The following PHF21A variants were observed in gnomAD, a reference collection of about 807,000 sequenced individuals.
The protein encoded by PHF21A is PHD finger protein 21A.
Under a neutral mutation model 82.5 loss-of-function variants are expected in PHF21A, and 11 were observed. The ratio of observed to expected loss-of-function variants is 0.13; its 90% CI spans 0.08 to 0.22. PHF21A has a LOEUF of 0.22. PHF21A is among the 10% of genes least tolerant of loss of function. PHF21A has a pLI of 1.00. For synonymous variants in PHF21A, 297 were observed against 302.8 expected (o/e 0.98, Z 0.20); for missense variants, 579 against 837.8 (o/e 0.69, Z 3.81).
Position 46,091,306 on chromosome 11 carries a change from A to AT in PHF21A, c.-195-741dup, listed in dbSNP as rs2096922327. Reference sequence around the variant, plus strand: ...ATTCCAGCTATCTTATTTGAGTGTAATTTTTTTCATAATACACACTCTCCT... The same window carrying AT: ...ATTCCAGCTATCTTATTTGAGTGTAATTTTTTTTCATAATACACACTCTCCT... On this transcript the variant is annotated intron_variant, in intron 2 of 18. Transcript: ENST00000676320. Among the ~76,000 whole-genome samples, 11 of 152,162 alleles carry AT rather than the reference A, an allele frequency of 7.2e-5. No homozygotes were observed. The South Asian group carries it at 2.3e-3, about 32-fold the overall frequency.
In PHF21A at chr11:46,119,413, C is replaced by T. The variant is rs77205953; in HGVS notation, c.-237+1522G>A. On this transcript the variant is annotated intron_variant, in intron 1 of 18. Transcript: ENST00000676320. ...CCCAGAGACATCATTTTAAAAACAA[C>T]ACAATGTGGACGTGCAGAGTGAGAT... Among the ~76,000 whole-genome samples the T allele has an allele frequency of 2.0e-3, 306 of 152,308 alleles. 3 individuals carry two copies. The highest frequency in any genetic ancestry group is 0.015 in the Admixed American group (234 of 15,300).
chr11:45,935,173 G>C (rs557626738), intron 18 of PHF21A: 1 of 1,289,658 alleles, frequency 7.8e-7, no homozygotes, highest in Admixed American at 2.3e-5. Flanking sequence ...CAGGAAAACC[G>C]GGAAATGCAA....
At chr11:46,001,481 C>A (rs1203063073) in intron 6 of PHF21A, among the ~76,000 whole-genome samples, 2 of 152,000 alleles carry the variant, frequency 1.3e-5, no homozygotes, top group Admixed American at 6.6e-5. Flanking sequence ...ACAATAGAAG[C>A]TCCAGTTGGT....
chr11:46,067,120 T>C (rs923696247), intron 6 of PHF21A, among the ~76,000 whole-genome samples: 1 of 152,226 alleles, frequency 6.6e-6, no homozygotes, highest in African/African-American at 2.4e-5. Flanking sequence ...CTAATGCACC[T>C]TGATTCAATC....
At chr11:46,088,859 C>T (rs1272570103) in intron 3 of PHF21A, among the ~76,000 whole-genome samples, 1 of 152,072 alleles carries the variant, frequency 6.6e-6, no homozygotes, top group Non-Finnish European at 1.5e-5. Context: ...TCTGGGTATA[C>T]TTCTGCTTGA....
chr11:46,057,693 C>T (rs1198367681), intron 6 of PHF21A, among the ~76,000 whole-genome samples: 4 of 152,234 alleles, frequency 2.6e-5, no homozygotes, highest in Middle Eastern at 3.4e-3. Context: ...CTAGGCTGTT[C>T]TAGAACTTAC....
intron 6 of PHF21A, among the ~76,000 whole-genome samples, chr11:46,050,259 C>A (rs1462256795): frequency 2.0e-5 from 3 of 152,230 alleles, no homozygotes; most frequent in African/African-American, 7.2e-5. Flanking sequence ...ATGTTGCCAG[C>A]AGCATTCCAG....
intron 6 of PHF21A, among the ~76,000 whole-genome samples, chr11:46,026,360 C>T (rs1446147653): frequency 2.6e-5 from 4 of 152,140 alleles, no homozygotes; most frequent in Admixed American, 2.0e-4. Flanking sequence ...AGATGTCATG[C>T]ACAAGGTACA....
At chr11:45,941,605 T>C (rs1245335312) in intron 15 of PHF21A, among the ~76,000 whole-genome samples, 2 of 152,094 alleles carry the variant, frequency 1.3e-5, no homozygotes, top group African/African-American at 4.8e-5. Flanking sequence ...CCCATAGAAA[T>C]GAATATAAAA....
intron 7 of PHF21A, among the ~76,000 whole-genome samples, chr11:45,978,361 T>TATTATTATTATTA (rs1565369387): frequency 2.7e-4 from 41 of 152,100 alleles, no homozygotes; most frequent in African/African-American, 9.7e-4. Context: ...AATAATAACT[T>TATTATTATTATTA]CCTCTTAGGA....
chr11:46,071,017 CAA>C (rs2096650946), intron 6 of PHF21A, among the ~76,000 whole-genome samples: 1 of 152,184 alleles, frequency 6.6e-6, no homozygotes, highest in African/African-American at 2.4e-5. Context: ...TTTGATGTAG[CAA>C]AAGTTTTTTT....
At chr11:46,064,176 G>A (rs2096568193) in intron 6 of PHF21A, among the ~76,000 whole-genome samples, 1 of 152,162 alleles carries the variant, frequency 6.6e-6, no homozygotes, top group African/African-American at 2.4e-5. Flanking sequence ...AAAAGCAGAT[G>A]AGTAATAATC....
intron 6 of PHF21A, among the ~76,000 whole-genome samples, chr11:46,036,154 G>A (rs537345815): frequency 6.6e-6 from 1 of 152,328 alleles, no homozygotes; most frequent in Non-Finnish European, 1.5e-5. Flanking sequence ...GGAGATGAGT[G>A]AAAGGGAAGA....
At chr11:46,073,517 A>G (rs188118280) in intron 6 of PHF21A, among the ~76,000 whole-genome samples, 1 of 152,272 alleles carries the variant, frequency 6.6e-6, no homozygotes, top group East Asian at 1.9e-4. Flanking sequence ...TTTATTGTGG[A>G]GCATTTAGAA....
chr11:46,103,903 A>T (rs1001277353), intron 1 of PHF21A, among the ~76,000 whole-genome samples: 1 of 152,214 alleles, frequency 6.6e-6, no homozygotes, highest in Admixed American at 6.5e-5. Flanking sequence ...AGACAGATAC[A>T]TATATACATT....
chr11:46,064,467 C>T (rs1440038849), intron 6 of PHF21A, among the ~76,000 whole-genome samples: 1 of 152,172 alleles, frequency 6.6e-6, no homozygotes, highest in Non-Finnish European at 1.5e-5. Flanking sequence ...CCAAACCCTG[C>T]TGATTCACAC....
chr11:45,990,279 A>G (rs11038734), intron 6 of PHF21A, among the ~76,000 whole-genome samples: 117,441 of 118,070 alleles, frequency 0.99, 58,408 homozygotes, highest in Middle Eastern at 1. Context: ...TTTTTTTTCA[A>G]ACAGGATCTC....
chr11:45,992,167 GT>G (rs1411276105), intron 6 of PHF21A, among the ~76,000 whole-genome samples: 2 of 152,102 alleles, frequency 1.3e-5, no homozygotes, highest in Non-Finnish European at 2.9e-5. Context: ...TGGGCCACCA[GT>G]TTTCAACCCT....
At chr11:46,006,322 T>G (rs551664970) in intron 6 of PHF21A, among the ~76,000 whole-genome samples, 13 of 152,334 alleles carry the variant, frequency 8.5e-5, no homozygotes, top group African/African-American at 2.2e-4. Flanking sequence ...ATCAGTAAAT[T>G]CTTAATCTTT....
Sources: allele counts gnomAD v4.1 joint callset (sites outside exome capture counted in the v4.1 genomes callset), GRCh38; gene constraint gnomAD v4.1.1; transcripts MANE v1.5; gene names NCBI Gene and HGNC (gene_info 2026-07-23, HGNC 2026-07-21).